The following SND1 variants were observed in gnomAD, a reference collection of about 807,000 sequenced individuals.
SND1 encodes staphylococcal nuclease and tudor domain containing 1.
In SND1, 38 loss-of-function variants were observed where a neutral mutation model predicts 121.7. That is an observed-to-expected ratio of 0.31 (90% CI 0.24 to 0.41). The LOEUF (loss-of-function observed/expected upper bound fraction) is 0.41. Among genes scored for constraint, SND1 ranks in the 10% least tolerant of loss-of-function variants. SND1 has a pLI of 1.00. For synonymous variants in SND1, 401 were observed against 447.4 expected (o/e 0.90, Z 1.31); for missense variants, 868 against 1,184.6 (o/e 0.73, Z 3.92).
At chr7:128,063,096 C>T (rs1165920327) in intron 16 of SND1, among the ~76,000 whole-genome samples, 1 of 152,210 alleles carries the variant, frequency 6.6e-6, no homozygotes, top group African/African-American at 2.4e-5. Flanking sequence ...CACCTCCCAC[C>T]TCTGCTCAAC....
At chr7:127,721,759 G>A (rs1476171651) in intron 10 of SND1, among the ~76,000 whole-genome samples, 2 of 152,174 alleles carry the variant, frequency 1.3e-5, no homozygotes, top group Non-Finnish European at 2.9e-5. Context: ...CGTGTACATT[G>A]TAATAGGACC....
At chr7:127,796,060 T>A (rs1798017787) in intron 10 of SND1, among the ~76,000 whole-genome samples, 1 of 151,984 alleles carries the variant, frequency 6.6e-6, no homozygotes, top group Admixed American at 6.6e-5. Context: ...GGTTTCACCA[T>A]GTTAGCCAGG....
chr7:127,909,481 T>C (rs1470371788), intron 14 of SND1, among the ~76,000 whole-genome samples: 1 of 151,422 alleles, frequency 6.6e-6, no homozygotes, highest in Non-Finnish European at 1.5e-5. Context: ...ATACGGAGTC[T>C]CACTTTATCA....
intron 1 of SND1, among the ~76,000 whole-genome samples, chr7:127,653,136 C>T (rs1235462283): frequency 6.6e-6 from 1 of 152,186 alleles, no homozygotes; most frequent in African/African-American, 2.4e-5. Context: ...TAGCAAGAGC[C>T]CAAGTGTTCG....
intron 12 of SND1, among the ~76,000 whole-genome samples, chr7:127,857,635 C>T (rs959008546): frequency 6.6e-6 from 1 of 151,726 alleles, no homozygotes; most frequent in Non-Finnish European, 1.5e-5. Flanking sequence ...TAAGAGCAAA[C>T]ACTCAGGGAC....
chr7:127,960,824 A>G (rs994367799), intron 15 of SND1, among the ~76,000 whole-genome samples: 2 of 152,238 alleles, frequency 1.3e-5, no homozygotes, highest in Admixed American at 1.3e-4. Flanking sequence ...GCAGTGCTAC[A>G]GTGAAATTGA....
intron 16 of SND1, among the ~76,000 whole-genome samples, chr7:128,022,650 C>T (rs1803384024): frequency 6.6e-6 from 1 of 152,128 alleles, no homozygotes; most frequent in Non-Finnish European, 1.5e-5. Context: ...TGGAATAATA[C>T]TCTTTTTGTG....
intron 14 of SND1, among the ~76,000 whole-genome samples, chr7:127,914,379 A>T (rs1395179164): frequency 6.6e-6 from 1 of 152,130 alleles, no homozygotes; most frequent in Non-Finnish European, 1.5e-5. Flanking sequence ...TCCCTGGCAT[A>T]TGTCTCTTCT....
chr7:127,869,852 A>AT (rs762576375), intron 12 of SND1, among the ~76,000 whole-genome samples: 56 of 152,238 alleles, frequency 3.7e-4, no homozygotes, highest in South Asian at 8.3e-4. Flanking sequence ...ACTGTTTTCC[A>AT]TCTCCATAGT....
chr7:127,690,810 T>C (rs936173483), intron 2 of SND1, among the ~76,000 whole-genome samples: 2 of 152,242 alleles, frequency 1.3e-5, no homozygotes, highest in Non-Finnish European at 2.9e-5. Context: ...CTTTTTCACA[T>C]TCAGGAATAA....
At chr7:127,996,551 A>G (rs1802662007) in intron 16 of SND1, among the ~76,000 whole-genome samples, 1 of 152,124 alleles carries the variant, frequency 6.6e-6, no homozygotes, top group African/African-American at 2.4e-5. Context: ...ATATCTCTGG[A>G]TCAAAGGAAT....
chr7:127,906,730 G>A (rs1007133305), intron 14 of SND1, among the ~76,000 whole-genome samples: 8 of 152,160 alleles, frequency 5.3e-5, no homozygotes, highest in African/African-American at 1.7e-4. Flanking sequence ...AGGAGGTTTT[G>A]AGGTTCAGGC....
At chr7:127,817,853 C>T (rs1223797438) in intron 11 of SND1, among the ~76,000 whole-genome samples, 1 of 150,762 alleles carries the variant, frequency 6.6e-6, no homozygotes, top group Non-Finnish European at 1.5e-5. Context: ...GTAGTAGTTC[C>T]CAGGTCTGAC....
Position 127,897,068 on chromosome 7 carries a change from A to G in SND1, c.1455-7679A>G, listed in dbSNP as rs73721027. ...CCGCTTCATAGCTTCTTTCATTTGC[A>G]GGATTCTTTACATCTAAATTTCTTG... is the stretch of plus-strand genomic sequence containing the variant. On this transcript the variant is annotated intron_variant, in intron 13 of 23. Transcript: ENST00000354725. Among the ~76,000 whole-genome samples the G allele has an allele frequency of 3.6e-3, 554 of 152,296 alleles. 1 individual carries two copies. The highest frequency in any genetic ancestry group is 0.012 in the African/African-American group (518 of 41,572).
At chr7:127,839,917 A>G (rs1444397826) in intron 11 of SND1, among the ~76,000 whole-genome samples, 1 of 152,196 alleles carries the variant, frequency 6.6e-6, no homozygotes, top group African/African-American at 2.4e-5. Context: ...TTAAATAAAT[A>G]TATTTTTACT....
chr7:128,028,669 G>A (rs767933794), intron 16 of SND1: 3 of 1,598,050 alleles, frequency 1.9e-6, no homozygotes, highest in Non-Finnish European at 2.6e-6. Flanking sequence ...AGTTTTTTGG[G>A]GGAGGGGAGT....
intron 11 of SND1, 75 bp downstream of exon 11, chr7:127,807,648 G>T: frequency 8.7e-7 from 1 of 1,143,808 alleles, no homozygotes; most frequent in South Asian, 1.2e-5. Context: ...ATTGTTATAA[G>T]CTGGGCCCTT....
At chr7:128,050,779 C>T (rs1221852669) in intron 16 of SND1, among the ~76,000 whole-genome samples, 1 of 152,226 alleles carries the variant, frequency 6.6e-6, no homozygotes, top group African/African-American at 2.4e-5. Flanking sequence ...TTTCCAGAAA[C>T]ATTCCATACT....
intron 16 of SND1, among the ~76,000 whole-genome samples, chr7:128,023,804 T>G (rs1803412969): frequency 6.6e-6 from 1 of 152,220 alleles, no homozygotes; most frequent in South Asian, 2.1e-4. Context: ...GTCAAATAAC[T>G]GTTATCTAGC....
Sources: gnomAD v4.1 joint callset for allele counts (sites outside exome capture counted in the v4.1 genomes callset) on GRCh38, gnomAD v4.1.1 for gene constraint, MANE v1.5 for transcripts, NCBI Gene and HGNC (gene_info 2026-07-23, HGNC 2026-07-21) for gene names.